NKAIN2: variants seen among roughly 807,000 people sequenced by gnomAD.
NKAIN2 encodes sodium/potassium transporting ATPase interacting 2, also known as sodium/potassium-transporting ATPase subunit beta-1-interacting protein 2.
Under a neutral mutation model 32.6 loss-of-function variants are expected in NKAIN2, and 14 were observed. That is an observed-to-expected ratio of 0.43 (90% CI 0.28 to 0.67). NKAIN2 has a LOEUF of 0.67. Ranked by LOEUF, NKAIN2 falls within the 30% of genes least tolerant of loss-of-function variation. The pLI is 0.17. For missense variants in NKAIN2, 198 were observed against 258.3 expected (o/e 0.77, Z 1.60); for synonymous variants, 80 against 87.2 (o/e 0.92, Z 0.46).
At chr6:124,490,534 A>G (rs2114723214) in intron 3 of NKAIN2, 1 of 331,338 alleles carries the variant, frequency 3.0e-6, no homozygotes, top group Non-Finnish European at 5.8e-6. Flanking sequence ...AGTATTTAGT[A>G]GAGGAGTTAT....
intron 3 of NKAIN2, among the ~76,000 whole-genome samples, chr6:124,472,321 A>T (rs1777007290): frequency 6.6e-6 from 1 of 152,192 alleles, no homozygotes; most frequent in African/African-American, 2.4e-5. Context: ...ATATCCAAAA[A>T]ATATAAATGA....
At chr6:124,295,227 G>A (rs1464087207) in intron 2 of NKAIN2, among the ~76,000 whole-genome samples, 1 of 152,098 alleles carries the variant, frequency 6.6e-6, no homozygotes, top group African/African-American at 2.4e-5. Context: ...TTATCATGGA[G>A]CAAAACTATA....
intron 3 of NKAIN2, among the ~76,000 whole-genome samples, chr6:124,465,678 T>C (rs2114659216): frequency 6.6e-6 from 1 of 151,960 alleles, no homozygotes; most frequent in South Asian, 2.1e-4. Context: ...CTCAATTTCT[T>C]TGTCTATGTA....
At chr6:123,897,123 C>A (rs1489612321) in intron 1 of NKAIN2, among the ~76,000 whole-genome samples, 1 of 152,168 alleles carries the variant, frequency 6.6e-6, no homozygotes, top group Non-Finnish European at 1.5e-5. Flanking sequence ...TATCAGTCTG[C>A]ATTTCTCAAT....
At chr6:124,297,674 A>C (rs892049772) in intron 2 of NKAIN2, among the ~76,000 whole-genome samples, 4 of 146,176 alleles carry the variant, frequency 2.7e-5, no homozygotes, top group Non-Finnish European at 4.4e-5. Flanking sequence ...CTTTTCCTTG[A>C]GAGCCTCAGA....
At chr6:124,396,693 G>A (rs1401240110) in intron 3 of NKAIN2, among the ~76,000 whole-genome samples, 1 of 152,088 alleles carries the variant, frequency 6.6e-6, no homozygotes, top group African/African-American at 2.4e-5. Flanking sequence ...TAGATGGAAA[G>A]GAATAAATAA....
chr6:124,392,774 T>C (rs1409817994), intron 3 of NKAIN2, among the ~76,000 whole-genome samples: 1 of 152,194 alleles, frequency 6.6e-6, no homozygotes, highest in Non-Finnish European at 1.5e-5. Context: ...GCCAGAAATA[T>C]AAATTTTATA....
At chr6:124,190,786 A>G (rs1172568981) in intron 1 of NKAIN2, among the ~76,000 whole-genome samples, 1 of 152,200 alleles carries the variant, frequency 6.6e-6, no homozygotes, top group Non-Finnish European at 1.5e-5. Flanking sequence ...GTCACCCCCT[A>G]CCATGCCAAC....
chr6:124,404,672 A>T (rs1452189062), intron 3 of NKAIN2, among the ~76,000 whole-genome samples: 1 of 152,080 alleles, frequency 6.6e-6, no homozygotes, highest in African/African-American at 2.4e-5. Flanking sequence ...AAATTCTCAA[A>T]ACACTTATTT....
At chr6:124,336,986 A>G (rs1243617218) in intron 2 of NKAIN2, among the ~76,000 whole-genome samples, 5 of 151,902 alleles carry the variant, frequency 3.3e-5, no homozygotes, top group African/African-American at 1.2e-4. Flanking sequence ...TTCATTTTTT[A>G]ATGAATCTTA....
At chr6:124,209,017 T>C (rs1791037352) in intron 1 of NKAIN2, among the ~76,000 whole-genome samples, 1 of 151,578 alleles carries the variant, frequency 6.6e-6, no homozygotes, top group Non-Finnish European at 1.5e-5. Context: ...CATACATTAT[T>C]GTTAAATATA....
chr6:124,636,013 C>T (rs1042197480), intron 3 of NKAIN2, among the ~76,000 whole-genome samples: 1 of 151,954 alleles, frequency 6.6e-6, no homozygotes, highest in African/African-American at 2.4e-5. Context: ...GGACATGAAA[C>T]ATTCTCCAGG....
intron 4 of NKAIN2, among the ~76,000 whole-genome samples, chr6:124,766,441 CA>C (rs1346417173): frequency 6.6e-6 from 1 of 152,190 alleles, no homozygotes; most frequent in Admixed American, 6.5e-5. Context: ...CATTCCCAGC[CA>C]CCTGTCCCTT....
At chr6:124,748,050 A>G (rs1244435247) in intron 4 of NKAIN2, among the ~76,000 whole-genome samples, 2 of 151,896 alleles carry the variant, frequency 1.3e-5, no homozygotes, top group Non-Finnish European at 2.9e-5. Context: ...AACTAAGCAC[A>G]CTTTGTGGTT....
chr6:124,288,133 T>C lies in NKAIN2; in HGVS notation c.192+4991T>C, dbSNP rs144864413. On this transcript the variant is annotated intron_variant, in intron 2 of 6. Coordinates refer to ENST00000368417, the MANE Select transcript of NKAIN2 (RefSeq NM_001040214.3). ...TCTTGTTTCTTACCAATTCCATCAC[T>C]GATTCTCCTGTATATCTACCTTTCT... Among the ~76,000 whole-genome samples the C allele has an allele frequency of 4.1e-3, 631 of 152,336 alleles. 2 individuals carry two copies. The highest frequency in any genetic ancestry group is 0.013 in the African/African-American group (559 of 41,586).
chr6:124,037,406 A>G (rs1463721315), intron 1 of NKAIN2, among the ~76,000 whole-genome samples: 1 of 152,154 alleles, frequency 6.6e-6, no homozygotes, highest in Non-Finnish European at 1.5e-5. Flanking sequence ...CTTGAATGTC[A>G]TAAATTAGCA....
intron 3 of NKAIN2, among the ~76,000 whole-genome samples, chr6:124,657,224 C>T (rs1281978636): frequency 6.6e-6 from 1 of 152,166 alleles, no homozygotes; most frequent in Non-Finnish European, 1.5e-5. Context: ...GTAGTTGGCA[C>T]CTATTATCTT....
chr6:124,176,354 T>A (rs2114522740), intron 1 of NKAIN2, among the ~76,000 whole-genome samples: 1 of 152,302 alleles, frequency 6.6e-6, no homozygotes, highest in East Asian at 1.9e-4. Flanking sequence ...CAGGACTAGC[T>A]AGTCTCTAAT....
At chr6:123,933,496 A>G (rs1776359588) in intron 1 of NKAIN2, among the ~76,000 whole-genome samples, 1 of 152,220 alleles carries the variant, frequency 6.6e-6, no homozygotes, top group Non-Finnish European at 1.5e-5. Context: ...TCATTTACCA[A>G]CAGTTTAACT....
Sources: gnomAD v4.1 joint callset for allele counts (sites outside exome capture counted in the v4.1 genomes callset) on GRCh38, gnomAD v4.1.1 for gene constraint, MANE v1.5 for transcripts, NCBI Gene and HGNC (gene_info 2026-07-23, HGNC 2026-07-21) for gene names.